PI4KA: variants seen among roughly 807,000 people sequenced by gnomAD.
PI4KA encodes the protein PI4-kinase alpha.
A neutral mutation model predicts 271.4 loss-of-function variants in PI4KA; 122 were observed. The ratio of observed to expected loss-of-function variants is 0.45; its 90% confidence interval spans 0.39 to 0.52. The LOEUF is 0.52. Among genes scored for constraint, PI4KA ranks in the 20% least tolerant of loss-of-function variants. PI4KA has a pLI of 0.00. For missense variants in PI4KA, 1,969 were observed against 2,769.1 expected, an observed-to-expected ratio of 0.71 and a Z score of 6.48; for synonymous variants, 1,041 against 1,078.8, an observed-to-expected ratio of 0.96 and a Z score of 0.69.
intron 8 of PI4KA, among the ~76,000 whole-genome samples, chr22:20,811,677 G>C (rs529970631): frequency 1.3e-5 from 2 of 148,308 alleles, no homozygotes; most frequent in East Asian, 4.0e-4. Context: ...AAAATGTATA[G>C]ATAATGATAA....
At chr22:20,714,584 C>G in intron 46 of PI4KA, 44 bp downstream of exon 46, 2 of 1,613,984 alleles carry the variant, frequency 1.2e-6, no homozygotes, top group Non-Finnish European at 1.7e-6. Flanking sequence ...AAACTTCGCA[C>G]GCGGACGCGT....
intron 29 of PI4KA, among the ~76,000 whole-genome samples, chr22:20,746,132 G>A (rs1001845802): frequency 5.5e-5 from 8 of 146,496 alleles, no homozygotes; most frequent in South Asian, 2.2e-4. Context: ...GCGGGATCTC[G>A]GCTCACTGCA....
intron 3 of PI4KA, among the ~76,000 whole-genome samples, chr22:20,828,273 C>G (rs537742178): frequency 1.3e-5 from 2 of 152,060 alleles, no homozygotes; most frequent in Non-Finnish European, 2.9e-5. Flanking sequence ...ATAGGGTTTT[C>G]TAGGTATAAA....
chr22:20,729,883 C>T lies in PI4KA; in HGVS notation c.4408+9G>A, dbSNP rs774478198. 1 of 1,614,028 alleles carries T rather than the reference C, an allele frequency of 6.2e-7. No homozygotes were observed. Among genetic ancestry groups the T allele is most frequent in the Non-Finnish European group, 8.5e-7 (1 of 1,179,960 alleles). ...ATGTGATGGCCCCAGCAGCACACCT[C>T]CCACCGACCTGATTTCTTGGAGATG... On this transcript the variant is annotated intron_variant, in intron 37 of 54. Transcript: ENST00000255882.
chr22:20,748,519 T>G (rs1240687870), intron 28 of PI4KA, among the ~76,000 whole-genome samples: 1 of 152,128 alleles, frequency 6.6e-6, no homozygotes, highest in Non-Finnish European at 1.5e-5. Context: ...CCCAGGGGTG[T>G]GAGGGAGGCC....
chr22:20,808,481 T>C (rs1935799409), intron 9 of PI4KA, among the ~76,000 whole-genome samples: 1 of 116,450 alleles, frequency 8.6e-6, no homozygotes, highest in South Asian at 2.6e-4. Context: ...TAATCCCAGC[T>C]ACTAAGGAGG....
intron 3 of PI4KA, among the ~76,000 whole-genome samples, chr22:20,829,388 T>C (rs1178703376): frequency 6.6e-6 from 1 of 152,118 alleles, no homozygotes; most frequent in Non-Finnish European, 1.5e-5. Context: ...TCTTGGTAGG[T>C]TGTATATGTC....
intron 27 of PI4KA, 112 bp downstream of exon 27, chr22:20,751,181 A>T: frequency 1.2e-6 from 1 of 823,246 alleles, no homozygotes; most frequent in Non-Finnish European, 2.0e-6. Flanking sequence ...CACCACCCAC[A>T]CCTCAAATTG....
At chr22:20,750,804 C>T (rs748575888) in intron 27 of PI4KA, among the ~76,000 whole-genome samples, 8 of 152,158 alleles carry the variant, frequency 5.3e-5, no homozygotes, top group Non-Finnish European at 1.2e-4. Context: ...GCTCTGAGAC[C>T]GAGTTGGGGA....
In PI4KA at chr22:20,761,290, A is replaced by T; in HGVS notation, c.2791+14T>A. On this transcript the variant is annotated intron_variant, in intron 23 of 54. Transcript: ENST00000255882. ...GCTCAATTCATCATGAAAGCACCAT[A>T]ATAATGAGCTTACCAGATTTGTCTT... 1 of 1,497,278 alleles carries T rather than the reference A, an allele frequency of 6.7e-7. No individual in the cohort carries two copies. The highest frequency in any genetic ancestry group is 9.3e-7 in the Non-Finnish European group (1 of 1,073,558). 92.7% of individuals were successfully genotyped at this position (1,497,278 alleles called of 1,614,324 possible).
chr22:20,805,660 A>G (rs1218459090), intron 10 of PI4KA, among the ~76,000 whole-genome samples: 1 of 151,788 alleles, frequency 6.6e-6, no homozygotes, highest in Non-Finnish European at 1.5e-5. Flanking sequence ...GTGAAACCCC[A>G]TCTCTAATAA....
Position 20,846,804 on chromosome 22 carries a change from G to A in PI4KA, c.157-8073C>T, listed in dbSNP as rs375306491. 4.5e-5 allele frequency among the ~76,000 whole-genome samples: 6 copies of A among 131,942 alleles called. No individual in the cohort carries two copies. In the East Asian group the frequency reaches 1.4e-3, roughly 30 times the overall value. The allele number at this position is 131,942 out of a possible 152,430, so 86.6% of individuals were successfully genotyped here. On this transcript the variant is annotated intron_variant, in intron 1 of 54. Coordinates refer to ENST00000255882, the MANE Select transcript of PI4KA (RefSeq NM_058004.4). ...ATTGCAGTGAACTGAGATCACCACAGTGCATTCCAGCATGGGCAATAGTGC... is the reference window on the plus strand; with the variant it reads ...ATTGCAGTGAACTGAGATCACCACAATGCATTCCAGCATGGGCAATAGTGC...
At position 20,707,792 on chromosome 22, in the gene PI4KA, G is replaced by T; in HGVS notation, c.*255C>A. The T allele has an allele frequency of 1.7e-6, 1 of 576,290 alleles. No homozygotes were observed. The highest frequency in any genetic ancestry group is 2.0e-5 in the South Asian group (1 of 50,532). The allele number at this position is 576,290 out of a possible 1,614,324, so 35.7% of individuals were successfully genotyped here. On this transcript the variant is annotated 3_prime_UTR_variant, in exon 55 of 55. Coordinates refer to ENST00000255882, the MANE Select transcript of PI4KA (RefSeq NM_058004.4). Reference sequence around the variant, plus strand: ...TTCATGTACCTATGAAATAAGACAGGTAGGGAATATGTCCAGTGCAAACAG... The same window carrying T: ...TTCATGTACCTATGAAATAAGACAGTTAGGGAATATGTCCAGTGCAAACAG...
intron 1 of PI4KA, among the ~76,000 whole-genome samples, chr22:20,840,835 G>A (rs146514449): frequency 5.7e-4 from 86 of 152,208 alleles, no homozygotes; most frequent in African/African-American, 2.0e-3. Context: ...GGGCAACACA[G>A]TAAGACCCTG....
chr22:20,799,817 T>A (rs1486156983), intron 14 of PI4KA, 51 bp from the exon 15 acceptor site: 2 of 1,197,232 alleles, frequency 1.7e-6, no homozygotes, highest in Non-Finnish European at 2.4e-6. Context: ...CCAAGATAGG[T>A]TTTTTGTTTT....
rs762467691 is a variant in PI4KA, at chr22:20,805,174, AAG to A, written c.1169-11_1169-10del. On this transcript the variant is annotated splice_polypyrimidine_tract_variant and intron_variant, in intron 10 of 54. Coordinates refer to ENST00000255882, the MANE Select transcript of PI4KA (RefSeq NM_058004.4). The stretch of plus-strand genomic sequence containing the variant: ...AAAAGAGGTCGGGAGGTCTGTAGGA[AAG>A]AGTGTGGCATCACAGCTGGGAACAA... 58 of 1,608,026 alleles carry A rather than the reference AAG, an allele frequency of 3.6e-5. No individual in the cohort carries two copies. Among genetic ancestry groups the A allele is most frequent in the Non-Finnish European group, 5.1e-6 (6 of 1,175,394 alleles).
At position 20,707,881 on chromosome 22, in the gene PI4KA, C is replaced by T. The variant is rs1058549; in HGVS notation, c.*166G>A. 27 of 746,858 alleles carry T rather than the reference C, an allele frequency of 3.6e-5. No individual in the cohort carries two copies. Among genetic ancestry groups the T allele is most frequent in the African/African-American group, 2.4e-4 (14 of 58,168 alleles). The allele number at this position is 746,858 out of a possible 1,614,324, so 46.3% of individuals were successfully genotyped here. A position where few individuals can be genotyped will look rare whatever the true frequency, so the allele number is the denominator to read the frequency against. ...TTGTCGCTGCAGTCCATGGCGTTAC[C>T]AAGGCTGCGCCACCCACGTGCTGCC... On this transcript the variant is annotated 3_prime_UTR_variant, in exon 55 of 55. Transcript: ENST00000255882.
chr22:20,739,545 G>A (rs1201867787), intron 32 of PI4KA, among the ~76,000 whole-genome samples: 2 of 150,424 alleles, frequency 1.3e-5, no homozygotes, highest in African/African-American at 4.9e-5. Context: ...CTCCTCAACT[G>A]TCAGTTTTAT....
intron 7 of PI4KA, among the ~76,000 whole-genome samples, chr22:20,818,009 C>T (rs1449870655): frequency 1.3e-5 from 2 of 151,338 alleles, no homozygotes; most frequent in Non-Finnish European, 2.9e-5. Context: ...CCTGTAATCC[C>T]AGCTACTTGG....
Sources: gnomAD v4.1 joint callset for allele counts (sites outside exome capture counted in the v4.1 genomes callset) on GRCh38, gnomAD v4.1.1 for gene constraint, MANE v1.5 for transcripts, NCBI Gene and HGNC (gene_info 2026-07-23, HGNC 2026-07-21) for gene names.